ARHGAP45: variants seen among roughly 807,000 people sequenced by gnomAD.
ARHGAP45 encodes the protein rho GTPase-activating protein 45.
ARHGAP45 carries 56 observed loss-of-function variants against 116.1 expected under a neutral mutation model. That is an observed-to-expected ratio of 0.48 (90% confidence interval 0.39 to 0.60). The LOEUF (loss-of-function observed/expected upper bound fraction) is 0.60. Among genes scored for constraint, ARHGAP45 ranks in the 20% least tolerant of loss-of-function variants. The pLI, the probability that ARHGAP45 is intolerant of heterozygous loss-of-function variation, is 0.00. For missense variants in ARHGAP45, 1,622 were observed against 1,601.0 expected (o/e 1.01, Z -0.22); for synonymous variants, 866 against 701.7 (o/e 1.23, Z -3.70).
intron 11 of ARHGAP45, among the ~76,000 whole-genome samples, chr19:1,078,286 G>T (rs547973752): frequency 6.6e-6 from 1 of 151,236 alleles, no homozygotes; most frequent in South Asian, 2.1e-4. Context: ...TGGGACTACA[G>T]GCGCCCGCCA....
chr19:1,077,899 G>C lies in ARHGAP45; in HGVS notation c.1228G>C (p.Val410Leu). ...CCTGCGCAAGGCCAAGCAGGGTTAC[G>C]TGCAGCGCTGCGAGGACCACGACAA... ...SNLRKAKQGY[V>L]QRCEDHDKAR... The change falls in exon 11 of 23, where the codon GTG becomes CTG. Residue 410 changes from valine to leucine, a missense_variant. By Grantham distance (32) the Val-to-Leu change is conservative. Coordinates refer to ENST00000313093, the MANE Select transcript of ARHGAP45 (RefSeq NM_012292.5). The C allele has an allele frequency of 6.4e-7, 1 of 1,554,568 alleles. No individual in the cohort carries two copies. Among genetic ancestry groups the C allele is most frequent in the Non-Finnish European group, 8.7e-7 (1 of 1,148,788 alleles).
chr19:1,082,189 C>T (rs1441021458), intron 19 of ARHGAP45, among the ~76,000 whole-genome samples: 2 of 105,804 alleles, frequency 1.9e-5, no homozygotes, highest in Admixed American at 2.6e-4. Context: ...CGCCGAGGCA[C>T]GGACAGGGAC....
In ARHGAP45 at chr19:1,067,189, G is replaced by C. The variant is rs992664762; in HGVS notation, c.-217G>C. On this transcript the variant is annotated 5_prime_UTR_variant, in exon 1 of 23. Transcript: ENST00000313093. ...CCCACTCCGCAGAGCCGCAGGCTGAGGCCGGGAAGGGTCGGGGGCGAGGCC... is the reference window on the plus strand; with the variant it reads ...CCCACTCCGCAGAGCCGCAGGCTGACGCCGGGAAGGGTCGGGGGCGAGGCC... 7 of 1,324,494 alleles carry C rather than the reference G, an allele frequency of 5.3e-6. No individual in the cohort carries two copies. Among genetic ancestry groups the C allele is most frequent in the South Asian group, 2.0e-5 (1 of 50,118 alleles). 82.0% of individuals were successfully genotyped at this position (1,324,494 alleles called of 1,614,324 possible).
At chr19:1,084,520 C>G (rs1337510930) in intron 22 of ARHGAP45, among the ~76,000 whole-genome samples, 174 bp downstream of exon 22, 1 of 152,216 alleles carries the variant, frequency 6.6e-6, no homozygotes, top group Non-Finnish European at 1.5e-5. Flanking sequence ...TGTCCTTTAA[C>G]CGGCTGCAAA....
intron 10 of ARHGAP45, among the ~76,000 whole-genome samples, chr19:1,076,037 G>A (rs55832247): frequency 0.019 from 2,827 of 152,082 alleles, 76 homozygotes; most frequent in African/African-American, 0.065. Context: ...CCCTTTTTTC[G>A]GCTGTGCAGG....
rs955393885 is a variant in ARHGAP45 at position 1,077,798 on chromosome 19, A to G, written c.1186-59A>G. Reference sequence around the variant, plus strand: ...GTGGGGAGGAAAGGAGGAGCTGGGGAGACTGAGTCCCATCCGAGGATAGGG... The same window carrying G: ...GTGGGGAGGAAAGGAGGAGCTGGGGGGACTGAGTCCCATCCGAGGATAGGG... On this transcript the variant is annotated intron_variant, in intron 10 of 22. Coordinates refer to ENST00000313093, the MANE Select transcript of ARHGAP45 (RefSeq NM_012292.5). 1.4e-5 allele frequency: 22 copies of G among 1,549,648 alleles called. No individual in the cohort carries two copies. The Admixed American group carries it at 2.9e-4, about 21-fold the overall frequency.
chr19:1,082,461 C>T (rs1599771159), intron 19 of ARHGAP45: 1 of 271,478 alleles, frequency 3.7e-6, no homozygotes, highest in East Asian at 7.2e-5. Context: ...CGGGGAAGGG[C>T]GGGACTGGGG....
intron 22 of ARHGAP45, among the ~76,000 whole-genome samples, chr19:1,084,582 T>C (rs928417042): frequency 3.9e-5 from 6 of 152,184 alleles, no homozygotes; most frequent in African/African-American, 1.4e-4. Context: ...CAGAAACCAG[T>C]AACGTGAACG....
At chr19:1,083,803 C>G (rs2043518262) in intron 21 of ARHGAP45, among the ~76,000 whole-genome samples, 1 of 152,172 alleles carries the variant, frequency 6.6e-6, no homozygotes, top group Non-Finnish European at 1.5e-5. Context: ...TGCAATGGGG[C>G]GATCTCAGCC....
Position 1,071,515 on chromosome 19 carries a change from C to G in ARHGAP45, c.422-1634C>G, listed in dbSNP as rs1568455319. ...CTGCGCTGCGCAGGGGTCGCGCCGG[C>G]CGCCGGCTTCCCGGGTAGGGGGTGT... is the stretch of plus-strand genomic sequence containing the variant. On this transcript the variant is annotated intron_variant, in intron 2 of 22. Transcript: ENST00000313093. The surrounding 1 kb of genome is among the most constrained non-coding windows in gnomAD (Gnocchi z 4.6). 4.3e-6 allele frequency: 2 copies of G among 468,610 alleles called. No homozygotes were observed. Among genetic ancestry groups the G allele is most frequent in the Admixed American group, 6.3e-5 (1 of 15,804 alleles). 29.0% of individuals were successfully genotyped at this position (468,610 alleles called of 1,614,324 possible). A position where few individuals can be genotyped will look rare whatever the true frequency, so the allele number is the denominator to read the frequency against.
chr19:1,082,940 G>A lies in ARHGAP45; in HGVS notation c.2618G>A (p.Gly873Asp). ...GCCGAGGCCAAGGCGGCGTCCCGGG[G>A]CCGGCAGGACGGCTCGGAGAGCGAG... is the stretch of plus-strand genomic sequence containing the variant. ...AEAEAKAASR[G>D]RQDGSESEAV... The change falls in exon 20 of 23, where the codon GGC (glycine) becomes GAC (aspartate). Residue 873 changes from glycine (G) to aspartate (D), a missense_variant. By Grantham distance (94) the Gly-to-Asp change is moderately conservative (BLOSUM62 -1). Around this residue, in one of 3 missense-constraint regions of ARHGAP45, gnomAD observed 1,334 missense variants for 1,263.8 expected, o/e 1.06. Coordinates refer to ENST00000313093, the MANE Select transcript of ARHGAP45 (RefSeq NM_012292.5). 1.3e-6 allele frequency: 2 copies of A among 1,582,698 alleles called. No homozygotes were observed. Among genetic ancestry groups the A allele is most frequent in the African/African-American group, 2.7e-5 (2 of 74,710 alleles).
At chr19:1,083,121 C>T (rs1235455659) in intron 20 of ARHGAP45, 22 bp from the exon 21 acceptor site, 1 of 1,593,378 alleles carries the variant, frequency 6.3e-7, no homozygotes, top group Non-Finnish European at 8.5e-7. Context: ...CGCTCAGCAC[C>T]TGGCCCCTGC....
In ARHGAP45 at chr19:1,086,344, T is replaced by G; in HGVS notation, c.*338T>G. On this transcript the variant is annotated 3_prime_UTR_variant, in exon 23 of 23. Transcript: ENST00000313093. The stretch of plus-strand genomic sequence containing the variant: ...CCTGCCCAGTGCATCCCCCAGGTCA[T>G]CACGGGGACGCAGGAGGCAGGCCCT... 3.7e-6 allele frequency: 1 copy of G among 268,668 alleles called. No homozygotes were observed. Among genetic ancestry groups the G allele is most frequent in the Non-Finnish European group, 7.2e-6 (1 of 138,386 alleles). 16.6% of individuals were successfully genotyped at this position (268,668 alleles called of 1,614,324 possible).
chr19:1,077,283 G>A, intron 10 of ARHGAP45: 1 of 985,320 alleles, frequency 1.0e-6, no homozygotes, highest in African/African-American at 1.7e-5. Context: ...TCTGTGCAGA[G>A]CTTGGCTGCA....
At chr19:1,085,076 T>C (rs2043565872) in intron 22 of ARHGAP45, among the ~76,000 whole-genome samples, 1 of 152,142 alleles carries the variant, frequency 6.6e-6, no homozygotes, top group Admixed American at 6.6e-5. Context: ...AGAGAGACTC[T>C]GTCTCAAAAA....
rs2043395314 is a variant in ARHGAP45 at position 1,080,350 on chromosome 19, C to T, written c.1799C>T (p.Thr600Ile). The T allele has an allele frequency of 1.9e-6, 3 of 1,608,110 alleles. No homozygotes were observed. The highest frequency in any genetic ancestry group is 2.2e-5 in the East Asian group (1 of 44,870). ...AGSPPEEGGC[T>I]EGTPAKDHRA... The stretch of plus-strand genomic sequence containing the variant: ...AGCCCCCCAGAAGAAGGCGGGTGCA[C>T]TGAGGGCACACCTGCCAAGGACCAC... Residue 600 changes from threonine to isoleucine, a missense_variant, in exon 14 of 23, where the codon ACT (threonine) becomes ATT (isoleucine). Physicochemically the swap from Thr to Ile is moderately conservative, Grantham distance 89 (BLOSUM62 -1). Coordinates refer to ENST00000313093, the MANE Select transcript of ARHGAP45 (RefSeq NM_012292.5).
chr19:1,082,863 C>T lies in ARHGAP45; in HGVS notation c.2541C>T (p.Phe847=), dbSNP rs779052795. ...LRQLPEPLIS[F]RLYHELVGLA... Reference sequence around the variant, plus strand: ...AGCTTCCCGAGCCGCTCATCTCCTTCCGCCTCTACCACGAGCTCGTAGGGC... The same window carrying T: ...AGCTTCCCGAGCCGCTCATCTCCTTTCGCCTCTACCACGAGCTCGTAGGGC... The change falls in exon 20 of 23, where the codon TTC becomes TTT. Residue 847 remains phenylalanine (F), a synonymous_variant. Coordinates refer to ENST00000313093, the MANE Select transcript of ARHGAP45 (RefSeq NM_012292.5). 3 of 1,554,136 alleles carry T rather than the reference C, an allele frequency of 1.9e-6. No individual in the cohort carries two copies. Among genetic ancestry groups the T allele is most frequent in the East Asian group, 4.6e-5 (2 of 43,812 alleles).
chr19:1,080,729 T>C lies in ARHGAP45; in HGVS notation c.1960T>C (p.Ser654Pro). Reference protein sequence around the residue: ...ERTSSSGTMSSTEELVDPDGG... With the variant: ...ERTSSSGTMSPTEELVDPDGG... Reference sequence around the variant, plus strand: ...GACGTCATCCAGTGGTACCATGTCGTCCACGGAGGAGCTGGTGGACCCAGA... The same window carrying C: ...GACGTCATCCAGTGGTACCATGTCGCCCACGGAGGAGCTGGTGGACCCAGA... Residue 654 changes from serine (S) to proline (P), a missense_variant, in exon 16 of 23, where the codon TCC becomes CCC. Around this residue, in one of 3 missense-constraint regions of ARHGAP45, gnomAD observed 1,334 missense variants for 1,263.8 expected, o/e 1.06. Coordinates refer to ENST00000313093, the MANE Select transcript of ARHGAP45 (RefSeq NM_012292.5). 6.2e-7 allele frequency: 1 copy of C among 1,613,560 alleles called. No homozygotes were observed.
At position 1,071,504 on chromosome 19, in the gene ARHGAP45, G is replaced by C; in HGVS notation, c.422-1645G>C. 3.5e-6 allele frequency: 2 copies of C among 578,304 alleles called. No homozygotes were observed. The highest frequency in any genetic ancestry group is 4.4e-6 in the Non-Finnish European group (2 of 453,622). 35.8% of individuals were successfully genotyped at this position (578,304 alleles called of 1,614,324 possible). ...CCTGGGCATCCCTGCGCTGCGCAGG[G>C]GTCGCGCCGGCCGCCGGCTTCCCGG... On this transcript the variant is annotated intron_variant, in intron 2 of 22. Transcript: ENST00000313093. This position sits in a 1 kb window ranked among gnomAD's most constrained non-coding sequence, Gnocchi z 4.6.
Sources: gnomAD v4.1 joint callset for allele counts (sites outside exome capture counted in the v4.1 genomes callset) on GRCh38, gnomAD v4.1.1 for gene constraint, gnomAD v4.1.1 regional missense constraint, Gnocchi (gnomAD v3.1) non-coding constraint, MANE v1.5 for transcripts, NCBI Gene and HGNC (gene_info 2026-07-23, HGNC 2026-07-21) for gene names.